Variants in FSTL5 observed in about 807,000 individuals in gnomAD.
The protein encoded by FSTL5 is follistatin like 5.
In FSTL5, 62 loss-of-function variants were observed where a neutral mutation model predicts 89.1. That is an observed-to-expected ratio of 0.70 (90% CI 0.57 to 0.86). The LOEUF (loss-of-function observed/expected upper bound fraction) is 0.86, where lower values mean the gene tolerates loss of function less well. Among genes scored for constraint, FSTL5 ranks in the 40% least tolerant of loss-of-function variants. The pLI, the probability that FSTL5 is intolerant of heterozygous loss-of-function variation, is 0.00. For synonymous variants in FSTL5, 383 were observed against 346.2 expected (o/e 1.11, Z -1.18); for missense variants, 1,057 against 1,001.6 (o/e 1.06, Z -0.75).
intron 10 of FSTL5, among the ~76,000 whole-genome samples, chr4:161,532,923 A>C (rs542042392): frequency 1.3e-5 from 2 of 152,274 alleles, no homozygotes; most frequent in African/African-American, 4.8e-5. Flanking sequence ...TACCAAGAAA[A>C]TCTCTCAAAA....
intron 13 of FSTL5, among the ~76,000 whole-genome samples, chr4:161,478,554 C>G (rs143343314): frequency 1.2e-3 from 181 of 152,158 alleles, no homozygotes; most frequent in Non-Finnish European, 1.5e-3. Flanking sequence ...CACTTCAACA[C>G]TATGTGTGGA....
At chr4:161,540,975 T>A (rs1731801174) in intron 9 of FSTL5, among the ~76,000 whole-genome samples, 1 of 152,128 alleles carries the variant, frequency 6.6e-6, no homozygotes, top group Admixed American at 6.6e-5. Flanking sequence ...GTTATTTTCT[T>A]CATTTGCCTG....
chr4:161,980,765 T>TA (rs1735804471), intron 3 of FSTL5, among the ~76,000 whole-genome samples: 1 of 37,578 alleles, frequency 2.7e-5, no homozygotes, highest in Non-Finnish European at 5.0e-5. Flanking sequence ...TTCAAGTAAC[T>TA]TTTTTTTTTT....
At chr4:161,566,929 C>G (rs1017334242) in intron 8 of FSTL5, among the ~76,000 whole-genome samples, 3 of 151,862 alleles carry the variant, frequency 2.0e-5, no homozygotes, top group African/African-American at 7.2e-5. Context: ...GTATGATGCT[C>G]TGTTTTACTG....
intron 2 of FSTL5, among the ~76,000 whole-genome samples, chr4:162,091,452 G>T (rs1730546680): frequency 6.6e-6 from 1 of 152,068 alleles, no homozygotes; most frequent in Admixed American, 6.5e-5. Flanking sequence ...ACCCAACTCA[G>T]TCTGAACAAG....
At chr4:161,634,834 T>C (rs1481578832) in intron 7 of FSTL5, among the ~76,000 whole-genome samples, 1 of 152,142 alleles carries the variant, frequency 6.6e-6, no homozygotes, top group South Asian at 2.1e-4. Flanking sequence ...TTGGTGACTA[T>C]AGGTAATCAT....
At chr4:161,479,671 A>T (rs1729431121) in intron 13 of FSTL5, among the ~76,000 whole-genome samples, 1 of 152,188 alleles carries the variant, frequency 6.6e-6, no homozygotes, top group African/African-American at 2.4e-5. Flanking sequence ...TCAGACCATT[A>T]GATTGTATAT....
chr4:161,808,965 C>T (rs760293344), intron 4 of FSTL5, among the ~76,000 whole-genome samples: 1 of 152,092 alleles, frequency 6.6e-6, no homozygotes, highest in Non-Finnish European at 1.5e-5. Flanking sequence ...ACTCCTGTAA[C>T]CTCAGCACTT....
At chr4:161,547,014 T>C (rs1478259665) in intron 8 of FSTL5, among the ~76,000 whole-genome samples, 2 of 152,008 alleles carry the variant, frequency 1.3e-5, no homozygotes, top group Admixed American at 1.3e-4. Flanking sequence ...GGTATTGCAA[T>C]ATTTTCATCG....
chr4:161,986,984 G>C (rs1021945125), intron 3 of FSTL5, among the ~76,000 whole-genome samples: 1 of 152,130 alleles, frequency 6.6e-6, no homozygotes, highest in Admixed American at 6.6e-5. Flanking sequence ...CACTGTGGAA[G>C]GAGAGGCCTA....
chr4:162,064,579 C>T (rs111600661), intron 2 of FSTL5, among the ~76,000 whole-genome samples: 76 of 152,102 alleles, frequency 5.0e-4, no homozygotes, highest in Non-Finnish European at 9.6e-4. Flanking sequence ...AAAACATTGG[C>T]TTATCTTAGG....
intron 15 of FSTL5, among the ~76,000 whole-genome samples, chr4:161,452,827 C>T (rs1578985079): frequency 6.6e-6 from 1 of 152,284 alleles, no homozygotes; most frequent in East Asian, 1.9e-4. Flanking sequence ...TTTCACTGCA[C>T]ATTCCTCAAA....
At chr4:161,918,765 C>T (rs1318840351) in intron 4 of FSTL5, among the ~76,000 whole-genome samples, 2 of 152,028 alleles carry the variant, frequency 1.3e-5, no homozygotes, top group African/African-American at 4.8e-5. Flanking sequence ...CCACCTCAGC[C>T]TCCCGAGTGG....
chr4:162,156,249 C>A (rs528502741), intron 1 of FSTL5, among the ~76,000 whole-genome samples: 1 of 152,268 alleles, frequency 6.6e-6, no homozygotes, highest in East Asian at 1.9e-4. Context: ...ACAACAGATA[C>A]TGGTGAGGCT....
intron 6 of FSTL5, among the ~76,000 whole-genome samples, chr4:161,675,868 T>C (rs1215160019): frequency 6.6e-6 from 1 of 152,070 alleles, no homozygotes; most frequent in African/African-American, 2.4e-5. Flanking sequence ...GAAAAAGAAA[T>C]ATTACAAAAG....
At chr4:161,498,188 C>T (rs960845197) in intron 12 of FSTL5, among the ~76,000 whole-genome samples, 2 of 151,874 alleles carry the variant, frequency 1.3e-5, no homozygotes, top group Non-Finnish European at 2.9e-5. Context: ...CACAATTCTA[C>T]ATTGTTTTTC....
chr4:161,974,110 G>C (rs1414599623), intron 3 of FSTL5, among the ~76,000 whole-genome samples: 1 of 152,104 alleles, frequency 6.6e-6, no homozygotes, highest in African/African-American at 2.4e-5. Flanking sequence ...AATACAAGAG[G>C]ATACAAACAA....
intron 8 of FSTL5, among the ~76,000 whole-genome samples, chr4:161,566,257 G>T (rs1311470669): frequency 6.6e-6 from 1 of 150,422 alleles, no homozygotes; most frequent in African/African-American, 2.4e-5. Flanking sequence ...AAGTAACTCA[G>T]AAATGGAAAA....
At chr4:161,484,761 CTA>C (rs1729621977) in intron 12 of FSTL5, among the ~76,000 whole-genome samples, 1 of 152,134 alleles carries the variant, frequency 6.6e-6, no homozygotes, top group South Asian at 2.1e-4. Flanking sequence ...TTGTGCAAAG[CTA>C]TGTTTGAAAA....
Sources: gnomAD v4.1 joint callset for allele counts (sites outside exome capture counted in the v4.1 genomes callset) on GRCh38, gnomAD v4.1.1 for gene constraint, MANE v1.5 for transcripts, NCBI Gene and HGNC (gene_info 2026-07-23, HGNC 2026-07-21) for gene names.